KLK1: variants seen among roughly 807,000 people sequenced by gnomAD.
KLK1 encodes kallikrein-1.
Under a neutral mutation model 23.3 loss-of-function variants are expected in KLK1, and 22 were observed. That is an observed-to-expected ratio of 0.95 (90% confidence interval 0.68 to 1.35). The LOEUF is 1.35. Among genes scored for constraint, KLK1 ranks in the 40% most tolerant of loss-of-function variants. The pLI is 0.00. For synonymous variants in KLK1, 140 were observed against 135.8 expected, an observed-to-expected ratio of 1.03 and a Z score of -0.21; for missense variants, 301 against 338.9, an observed-to-expected ratio of 0.89 and a Z score of 0.88.
At chr19:50,819,726 A>C (rs2089810021) in intron 4 of KLK1, among the ~76,000 whole-genome samples, 173 bp downstream of exon 4, 1 of 141,604 alleles carries the variant, frequency 7.1e-6, no homozygotes, top group South Asian at 2.3e-4. Context: ...GGTGAGATGC[A>C]GTTGTCCCTG....
intron 1 of KLK1, 58 bp downstream of exon 1, chr19:50,823,645 T>C: frequency 8.4e-7 from 1 of 1,184,550 alleles, no homozygotes; most frequent in Non-Finnish European, 1.2e-6. Context: ...GGGGGGGATG[T>C]GAGGCCAGCA....
At chr19:50,822,720 A>G (rs2089835498) in intron 1 of KLK1, 2 of 984,956 alleles carry the variant, frequency 2.0e-6, no homozygotes, top group East Asian at 2.3e-4. Context: ...TCTCATGGGG[A>G]TGGGGTTCAT....
chr19:50,820,566 A>T, intron 2 of KLK1, 123 bp from the exon 3 acceptor site: 1 of 697,668 alleles, frequency 1.4e-6, no homozygotes. Context: ...GTGGGCGGAG[A>T]CAGAGGAAGA....
chr19:50,820,177 C>T lies in KLK1; in HGVS notation c.473G>A (p.Trp158Ter). The change falls in exon 3 of 5, where the codon TGG (tryptophan) becomes TAG (stop). Residue 158 changes from tryptophan to a stop codon, truncating the protein, a stop_gained. Coordinates refer to ENST00000301420, the MANE Select transcript of KLK1 (RefSeq NM_002257.4). LOFTEE classifies it high-confidence loss of function. ...EVGSTCLASG[W>*]GSIEPENFSF... is the part of the protein sequence containing the mutation. ...ACAATTCTCTGGTTCGATGCTGCCC[C>T]AGCCGGAAGCCAAACAGGTGCTCCC... The T allele has an allele frequency of 6.2e-7, 1 of 1,605,150 alleles. No individual in the cohort carries two copies. The highest frequency in any genetic ancestry group is 8.5e-7 in the Non-Finnish European group (1 of 1,173,648).
In KLK1 at chr19:50,821,334, G is replaced by C. The variant is rs1327220444; in HGVS notation, c.206+378C>G. On this transcript the variant is annotated intron_variant, in intron 2 of 4. Transcript: ENST00000301420. This position sits in a 1 kb window ranked among gnomAD's most constrained non-coding sequence, Gnocchi z 5.6. ...TGTGTTTAGTAGGGATGAGGGAGCG[G>C]TGAGGTAGAGACCCAGAGAGAGAGA... is the stretch of plus-strand genomic sequence containing the variant. 6.6e-6 allele frequency among the ~76,000 whole-genome samples: 1 copy of C among 152,098 alleles called. No homozygotes were observed. The highest frequency in any genetic ancestry group is 1.5e-5 in the Non-Finnish European group (1 of 68,032).
chr19:50,822,265 G>A (rs1034108144), intron 1 of KLK1: 9 of 1,004,598 alleles, frequency 9.0e-6, no homozygotes, highest in Non-Finnish European at 1.1e-5. Context: ...CGCCAAGGGT[G>A]GGACAGGATC....
At position 50,819,970 on chromosome 19, in the gene KLK1, CT is replaced by C; in HGVS notation, c.561del (p.Ala188ProfsTer6). The C allele has an allele frequency of 6.2e-7, 1 of 1,614,010 alleles. No individual in the cohort carries two copies. Among genetic ancestry groups the C allele is most frequent in the Non-Finnish European group, 8.5e-7 (1 of 1,179,878 alleles). On this transcript the variant is annotated frameshift_variant, in exon 4 of 5. Transcript: ENST00000301420. LOFTEE classifies it high-confidence loss of function. ...AAGTCTGTCACCTTCTGGACGTGGG[CT>C]TTTTTGCACTCATCATTAGGCAGGA... Reference protein sequence around the residue: ...LKILPNDECKKAHVQKVTDFM... With the variant: ...LKILPNDECKXAHVQKVTDFM...
At chr19:50,822,579 C>T (rs565468029) in intron 1 of KLK1, 1 of 985,212 alleles carries the variant, frequency 1.0e-6, no homozygotes, top group Non-Finnish European at 1.2e-6. Flanking sequence ...TCCTGTGAAC[C>T]AGGAATGGCA....
In KLK1 at chr19:50,821,725, G is replaced by A. The variant is rs2089829449; in HGVS notation, c.193C>T (p.His65Tyr). 1 of 1,611,904 alleles carries A rather than the reference G, an allele frequency of 6.2e-7. No individual in the cohort carries two copies. The highest frequency in any genetic ancestry group is 8.5e-7 in the Non-Finnish European group (1 of 1,178,814). ...VHRQWVLTAA[H>Y]CISDNYQLWL... Reference sequence around the variant, plus strand: ...GCCCCTACTCACTCGCTGATGCAATGAGCAGCTGTGAGCACCCACTGGCGG... The same window carrying A: ...GCCCCTACTCACTCGCTGATGCAATAAGCAGCTGTGAGCACCCACTGGCGG... The change falls in exon 2 of 5, where the codon CAT (histidine) becomes TAT (tyrosine). Residue 65 changes from histidine to tyrosine, a missense_variant. By Grantham distance (83) the His-to-Tyr change is moderately conservative. Coordinates refer to ENST00000301420, the MANE Select transcript of KLK1 (RefSeq NM_002257.4). The surrounding 1 kb of genome is among the most constrained non-coding windows in gnomAD (Gnocchi z 5.6).
In KLK1 at chr19:50,821,674, A is replaced by G. The variant is rs1206696967; in HGVS notation, c.206+38T>C. ...ACTGGCCTGTCAATCCTGTGGCAGC[A>G]TAGATGCCCTCCTCCCAGACCCCAG... On this transcript the variant is annotated intron_variant, in intron 2 of 4. Coordinates refer to ENST00000301420, the MANE Select transcript of KLK1 (RefSeq NM_002257.4). This position sits in a 1 kb window ranked among gnomAD's most constrained non-coding sequence, Gnocchi z 5.6. 1.9e-6 allele frequency: 3 copies of G among 1,540,932 alleles called. No homozygotes were observed. In the African/African-American group the frequency reaches 4.1e-5, roughly 21 times the overall value.
chr19:50,820,167 G>A lies in KLK1; in HGVS notation c.483C>T (p.Ile161=), dbSNP rs185179823. The change falls in exon 3 of 5, where the codon ATC becomes ATT. Residue 161 remains isoleucine (I), a synonymous_variant. Transcript: ENST00000301420. ...GCCCCCACATACAATTCTCTGGTTC[G>A]ATGCTGCCCCAGCCGGAAGCCAAAC... ...STCLASGWGS[I]EPENFSFPDD... 2.3e-5 allele frequency: 37 copies of A among 1,601,662 alleles called. No individual in the cohort carries two copies. Among genetic ancestry groups the A allele is most frequent in the African/African-American group, 1.7e-4 (13 of 74,830 alleles).
At position 50,820,356 on chromosome 19, in the gene KLK1, G is replaced by T. The variant is rs762402265; in HGVS notation, c.294C>A (p.His98Gln). The stretch of plus-strand genomic sequence containing the variant: ...CCAGGAGGCTCATGTTGAAGCCAGG[G>T]TGTGGGAAGCTCTCACTGACATGAA... The part of the protein sequence containing the change: ...QFVHVSESFP[H>Q]PGFNMSLLEN... Residue 98 changes from histidine (H) to glutamine (Q), a missense_variant, in exon 3 of 5, where the codon CAC becomes CAA. Transcript: ENST00000301420. 1 of 1,614,052 alleles carries T rather than the reference G, an allele frequency of 6.2e-7. No homozygotes were observed. The highest frequency in any genetic ancestry group is 1.1e-5 in the South Asian group (1 of 91,066).
Position 50,819,358 on chromosome 19 carries a change from A to T in KLK1, c.634-9T>A, listed in dbSNP as rs901945590. 3 of 1,602,876 alleles carry T rather than the reference A, an allele frequency of 1.9e-6. No individual in the cohort carries two copies. The Admixed American group carries it at 5.0e-5, about 27-fold the overall frequency. On this transcript the variant is annotated splice_polypyrimidine_tract_variant and intron_variant, in intron 4 of 4. Transcript: ENST00000301420. ...GGGCCCCCTGAATCACCCTGGGAGCACAAGGTGGGAGGGGAGAGTGAGAAA... is the reference window on the plus strand; with the variant it reads ...GGGCCCCCTGAATCACCCTGGGAGCTCAAGGTGGGAGGGGAGAGTGAGAAA...
rs565480882 is a variant in KLK1 at position 50,821,904 on chromosome 19, G to A, written c.47-33C>T. ...GGCGGTGCTGGGTCAGGAAGGGCAG[G>A]GTTGGCAGGAGAGGCCAGGGACAAG... On this transcript the variant is annotated intron_variant, in intron 1 of 4. Coordinates refer to ENST00000301420, the MANE Select transcript of KLK1 (RefSeq NM_002257.4). This position sits in a 1 kb window ranked among gnomAD's most constrained non-coding sequence, Gnocchi z 5.6. 5 of 1,583,374 alleles carry A rather than the reference G, an allele frequency of 3.2e-6. No individual in the cohort carries two copies. The African/African-American group carries it at 5.4e-5, about 17-fold the overall frequency.
At chr19:50,822,402 A>G in intron 1 of KLK1, 1 of 986,482 alleles carries the variant, frequency 1.0e-6, no homozygotes, top group Non-Finnish European at 1.2e-6. Flanking sequence ...GAGGTAAAGA[A>G]GAGCATCTGG....
At chr19:50,822,397 AAAG>A (rs2089833898) in intron 1 of KLK1, 12 of 986,582 alleles carry the variant, frequency 1.2e-5, no homozygotes, top group Non-Finnish European at 1.4e-5. Flanking sequence ...TCTGAGAGGT[AAAG>A]AAGAGCATCT....
chr19:50,822,441 C>G, intron 1 of KLK1: 1 of 985,506 alleles, frequency 1.0e-6, no homozygotes, highest in Non-Finnish European at 1.2e-6. Context: ...GACTTGGGGT[C>G]CCTACATTGG....
intron 1 of KLK1, chr19:50,822,195 G>A: frequency 9.3e-7 from 1 of 1,069,820 alleles, no homozygotes; most frequent in Non-Finnish European, 1.1e-6. Context: ...TCTGGGGCTG[G>A]GGGATGGGAG....
rs148611416 is a variant in KLK1, at chr19:50,821,332, C to T, written c.206+380G>A. The stretch of plus-strand genomic sequence containing the variant: ...TGTGTGTTTAGTAGGGATGAGGGAG[C>T]GGTGAGGTAGAGACCCAGAGAGAGA... On this transcript the variant is annotated intron_variant, in intron 2 of 4. Transcript: ENST00000301420. The surrounding 1 kb of genome is among the most constrained non-coding windows in gnomAD (Gnocchi z 5.6). Among the ~76,000 whole-genome samples the T allele has an allele frequency of 9.0e-4, 137 of 151,944 alleles. 1 individual carries two copies. Among genetic ancestry groups the T allele is most frequent in the African/African-American group, 3.3e-3 (135 of 41,374 alleles).
Sources: gnomAD v4.1 joint callset for allele counts (sites outside exome capture counted in the v4.1 genomes callset) on GRCh38, gnomAD v4.1.1 for gene constraint, Gnocchi (gnomAD v3.1) non-coding constraint, MANE v1.5 for transcripts, NCBI Gene and HGNC (gene_info 2026-07-23, HGNC 2026-07-21) for gene names.